Variants in SF3B3 observed in about 807,000 individuals in gnomAD.
SF3B3 encodes the protein SAP 130.
SF3B3 carries 33 observed loss-of-function variants against 139.2 expected under a neutral mutation model. That is an observed-to-expected ratio of 0.24 (90% confidence interval 0.18 to 0.32). The LOEUF (loss-of-function observed/expected upper bound fraction) is 0.32, where lower values mean the gene tolerates loss of function less well. Among genes scored for constraint, SF3B3 ranks in the 10% least tolerant of loss-of-function variants. SF3B3 has a pLI of 1.00. For missense variants in SF3B3, 818 were observed against 1,509.4 expected, an observed-to-expected ratio of 0.54 and a Z score of 7.59; for synonymous variants, 596 against 563.6, an observed-to-expected ratio of 1.06 and a Z score of -0.81.
chr16:70,562,136 T>G (rs1222962967), intron 17 of SF3B3, among the ~76,000 whole-genome samples: 2 of 152,240 alleles, frequency 1.3e-5, no homozygotes, highest in African/African-American at 4.8e-5. Context: ...TCTTGTCATT[T>G]GCGGTATTAA....
At chr16:70,534,897 G>A (rs554636763) in intron 5 of SF3B3, among the ~76,000 whole-genome samples, 1 of 152,240 alleles carries the variant, frequency 6.6e-6, no homozygotes, top group East Asian at 1.9e-4. Context: ...TCGAACTCCT[G>A]ACCTCAGGTG....
Position 70,575,954 on chromosome 16 carries a change from G to T in SF3B3, c.*4141G>T, listed in dbSNP as rs1274428823. ...CCCAATTATTCACACGGTGGTTCATGCCTGGTAATCCCAGCACTTTGGGCG... is the reference window on the plus strand; with the variant it reads ...CCCAATTATTCACACGGTGGTTCATTCCTGGTAATCCCAGCACTTTGGGCG... On this transcript the variant is annotated 3_prime_UTR_variant, in exon 26 of 26. Coordinates refer to ENST00000302516, the MANE Select transcript of SF3B3 (RefSeq NM_012426.5). The T allele has an allele frequency of 6.6e-6, 1 of 152,218 alleles. No individual in the cohort carries two copies. The highest frequency in any genetic ancestry group is 2.4e-5 in the African/African-American group (1 of 41,456). 9.4% of individuals were successfully genotyped at this position (152,218 alleles called of 1,614,324 possible).
In SF3B3 at chr16:70,563,951, T is replaced by C; in HGVS notation, c.2364T>C (p.Phe788=). 2 of 1,614,176 alleles carry C rather than the reference T, an allele frequency of 1.2e-6. No homozygotes were observed. Among genetic ancestry groups the C allele is most frequent in the Non-Finnish European group, 8.5e-7 (1 of 1,180,030 alleles). ...CACTGCAGTACACACCCAGGAAATTTGTCATCCACCCTGAGAGTAACAACC... is the reference window on the plus strand; with the variant it reads ...CACTGCAGTACACACCCAGGAAATTCGTCATCCACCCTGAGAGTAACAACC... ...AFPLQYTPRK[F]VIHPESNNLI... is the part of the protein sequence containing the mutation. Residue 788 remains phenylalanine (F), a synonymous_variant, in exon 18 of 26, where the codon TTT becomes TTC. Transcript: ENST00000302516.
At chr16:70,563,273 A>G (rs1006609116) in intron 17 of SF3B3, among the ~76,000 whole-genome samples, 3 of 152,176 alleles carry the variant, frequency 2.0e-5, no homozygotes, top group Admixed American at 6.5e-5. Context: ...CGCAGCCCCT[A>G]TCTTTTTTAA....
At chr16:70,570,626 C>T (rs928929782) in intron 24 of SF3B3, among the ~76,000 whole-genome samples, 24 of 152,296 alleles carry the variant, frequency 1.6e-4, no homozygotes, top group African/African-American at 5.3e-4. Flanking sequence ...CACCCGCGCC[C>T]GGCCAGGCCG....
At chr16:70,560,306 A>G in intron 15 of SF3B3, 163 bp from the exon 16 acceptor site, 1 of 595,558 alleles carries the variant, frequency 1.7e-6, no homozygotes, top group Non-Finnish European at 2.7e-6. Flanking sequence ...TTACTGAGAG[A>G]ATGAAATGAA....
At chr16:70,532,329 TG>T (rs1192636702) in intron 4 of SF3B3, 149 bp from the exon 5 acceptor site, 1 of 588,280 alleles carries the variant, frequency 1.7e-6, no homozygotes, top group Non-Finnish European at 2.8e-6. Context: ...CACTGCAGCC[TG>T]GGTGACATAG....
chr16:70,547,978 G>A (rs1368578340), intron 10 of SF3B3, among the ~76,000 whole-genome samples: 6 of 152,198 alleles, frequency 3.9e-5, no homozygotes, highest in African/African-American at 1.4e-4. Context: ...AAAGGAGGTG[G>A]CATTTGAATT....
chr16:70,526,397 G>A (rs904049979), intron 1 of SF3B3, among the ~76,000 whole-genome samples, 190 bp from the exon 2 acceptor site: 9 of 151,936 alleles, frequency 5.9e-5, no homozygotes, highest in African/African-American at 2.2e-4. Context: ...TAGTAGAGAC[G>A]GGGTTTCACT....
At chr16:70,542,407 G>A (rs1366088614) in intron 9 of SF3B3, among the ~76,000 whole-genome samples, 1 of 152,188 alleles carries the variant, frequency 6.6e-6, no homozygotes, top group Non-Finnish European at 1.5e-5. Flanking sequence ...ACATTCTCAA[G>A]GAGGAACCTG....
rs1169305738 is a variant in SF3B3 at position 70,569,993 on chromosome 16, T to C, written c.3265-13T>C. On this transcript the variant is annotated splice_polypyrimidine_tract_variant and intron_variant, in intron 23 of 25. Transcript: ENST00000302516. ...AGGGTGCACACAGTCACTAGTCTGT[T>C]TGTGACTCACAGGCAGAGGTGATCA... 6.2e-7 allele frequency: 1 copy of C among 1,613,822 alleles called. No individual in the cohort carries two copies.
Position 70,555,191 on chromosome 16 carries a change from T to C in SF3B3, c.1695T>C (p.Tyr565=), listed in dbSNP as rs1418084831. Residue 565 remains tyrosine (Y), a synonymous_variant, in exon 13 of 26, where the codon TAT becomes TAC. Transcript: ENST00000302516. The part of the protein sequence containing the change: ...VIALTGGELV[Y]FEMDPSGQLN... ...CCCTGACAGGAGGAGAGCTGGTCTATTTCGAGATGGATCCTGTATGTTATT... is the reference window on the plus strand; with the variant it reads ...CCCTGACAGGAGGAGAGCTGGTCTACTTCGAGATGGATCCTGTATGTTATT... The C allele has an allele frequency of 6.2e-7, 1 of 1,613,964 alleles. No homozygotes were observed. The highest frequency in any genetic ancestry group is 1.1e-5 in the South Asian group (1 of 91,082).
chr16:70,528,645 T>C (rs2050090482), intron 2 of SF3B3, among the ~76,000 whole-genome samples: 1 of 151,534 alleles, frequency 6.6e-6, no homozygotes, highest in Admixed American at 6.6e-5. Context: ...TGAGACGGAG[T>C]TTTGCTCTGT....
intron 6 of SF3B3, among the ~76,000 whole-genome samples, chr16:70,537,272 A>C (rs993240002): frequency 6.6e-6 from 1 of 152,212 alleles, no homozygotes; most frequent in African/African-American, 2.4e-5. Context: ...TGATTGAGAC[A>C]TTAAATTGGT....
intron 6 of SF3B3, among the ~76,000 whole-genome samples, chr16:70,536,807 CTTTTTTTTT>C (rs34747226): frequency 1.6e-5 from 2 of 122,668 alleles, no homozygotes; most frequent in African/African-American, 3.0e-5. Flanking sequence ...AATTTTCTTT[CTTTTTTTTT>C]TTTTTTTTTT....
At position 70,556,244 on chromosome 16, in the gene SF3B3, G is replaced by A. The variant is rs200825923; in HGVS notation, c.1776G>A (p.Leu592=). 42 of 1,614,046 alleles carry A rather than the reference G, an allele frequency of 2.6e-5. No individual in the cohort carries two copies. Among genetic ancestry groups the A allele is most frequent in the African/African-American group, 4.0e-5 (3 of 74,910 alleles). ...EMSADVVCMS[L]ANVPPGEQRS... The stretch of plus-strand genomic sequence containing the variant: ...CAGCAGATGTGGTGTGCATGAGTCT[G>A]GCCAATGTACCCCCTGGAGAGCAGC... Residue 592 remains leucine, a synonymous_variant, in exon 14 of 26, where the codon CTG becomes CTA. Coordinates refer to ENST00000302516, the MANE Select transcript of SF3B3 (RefSeq NM_012426.5).
In SF3B3 at chr16:70,571,211, GA is replaced by G; in HGVS notation, c.3513+14del. 1 of 1,566,384 alleles carries G rather than the reference GA, an allele frequency of 6.4e-7. No homozygotes were observed. Among genetic ancestry groups the G allele is most frequent in the Non-Finnish European group, 8.8e-7 (1 of 1,136,402 alleles). On this transcript the variant is annotated intron_variant, in intron 25 of 25. Coordinates refer to ENST00000302516, the MANE Select transcript of SF3B3 (RefSeq NM_012426.5). ...ACTTCCCTGTGAAGGTAGGTTGGGG[GA>G]ATCTGAGCTGAAAAGGGAGATCTGA...
intron 10 of SF3B3, among the ~76,000 whole-genome samples, chr16:70,545,037 A>G (rs1395209732): frequency 3.3e-5 from 5 of 152,106 alleles, no homozygotes; most frequent in Admixed American, 2.6e-4. Context: ...TTATTACTAT[A>G]TACTCCTAAA....
At position 70,569,125 on chromosome 16, in the gene SF3B3, A is replaced by G. The variant is rs761760684; in HGVS notation, c.3248A>G (p.Asn1083Ser). ...NKALWDRGLLNGASQKAEVIM... is the reference protein window; with the variant it reads ...NKALWDRGLLSGASQKAEVIM... ...GCCCTGTGGGACCGTGGCTTGCTCA[A>G]TGGGGCCTCCCAGAAGGTAAGATTG... The change falls in exon 23 of 26, where the codon AAT (asparagine) becomes AGT (serine). Residue 1083 changes from asparagine (N) to serine (S), a missense_variant. Asn to Ser is a conservative substitution (Grantham distance 46). This residue lies in a region of SF3B3 where 91 missense variants were observed against 171.8 expected (regional missense o/e 0.53). Coordinates refer to ENST00000302516, the MANE Select transcript of SF3B3 (RefSeq NM_012426.5). 38 of 1,610,140 alleles carry G rather than the reference A, an allele frequency of 2.4e-5. No homozygotes were observed. The Admixed American group carries it at 3.0e-4, about 13-fold the overall frequency.
Sources: gnomAD v4.1 joint callset for allele counts (sites outside exome capture counted in the v4.1 genomes callset) on GRCh38, gnomAD v4.1.1 for gene constraint, gnomAD v4.1.1 regional missense constraint, MANE v1.5 for transcripts, NCBI Gene and HGNC (gene_info 2026-07-23, HGNC 2026-07-21) for gene names.